The following ZNF273 variants were observed in gnomAD, a reference collection of about 807,000 sequenced individuals.
The protein encoded by ZNF273 is zinc finger protein 273.
ZNF273 carries 11 observed loss-of-function variants against 14.9 expected under a neutral mutation model. That is an observed-to-expected ratio of 0.74 (90% CI 0.46 to 1.22). The LOEUF is 1.22. Ranked by LOEUF, ZNF273 falls within the 50% of genes most tolerant of loss-of-function variation. The pLI, the probability that ZNF273 is intolerant of heterozygous loss-of-function variation, is 0.00. For synonymous variants in ZNF273, 199 were observed against 223.9 expected (o/e 0.89, Z 0.99); for missense variants, 577 against 660.6 (o/e 0.87, Z 1.39).
chr7:64,932,994 GCA>G (rs1795024125), downstream of ZNF273, among the ~76,000 whole-genome samples: 1 of 151,948 alleles, frequency 6.6e-6, no homozygotes, highest in Non-Finnish European at 1.5e-5. Context: ...TTTTTTAGAT[GCA>G]GTCTCACTCT....
At chr7:64,878,936 G>A (rs879359656) in intron 2 of ZNF273, among the ~76,000 whole-genome samples, 1 of 152,154 alleles carries the variant, frequency 6.6e-6, no homozygotes, top group South Asian at 2.1e-4. Context: ...GCACTGTCAC[G>A]TTTTAATGAC....
intron 1 of ZNF273, among the ~76,000 whole-genome samples, chr7:64,914,925 C>CTT (rs35818236): frequency 0.51 from 67,431 of 133,358 alleles, 17,476 homozygotes; most frequent in African/African-American, 0.57. Flanking sequence ...AAAAAATGGC[C>CTT]TTTTTTTTTT....
chr7:64,912,826 G>GTTTTTTGTTGTTGTTGTTGTTTTTTT, intron 1 of ZNF273, among the ~76,000 whole-genome samples: 2 of 36,576 alleles, frequency 5.5e-5, no homozygotes, highest in African/African-American at 8.2e-5. Context: ...ATTCATTTTA[G>GTTTTTTGTTGTTGTTGTTGTTTTTTT]TTTTTTTTTT....
At chr7:64,925,691 G>T (rs1453452669) in intron 3 of ZNF273, among the ~76,000 whole-genome samples, 1 of 151,912 alleles carries the variant, frequency 6.6e-6, no homozygotes, top group Non-Finnish European at 1.5e-5. Context: ...ACCCGCCTTG[G>T]CCTCCCAAAG....
At chr7:64,884,592 C>A (rs1244800754), downstream of ZNF273, among the ~76,000 whole-genome samples, 1 of 152,116 alleles carries the variant, frequency 6.6e-6, no homozygotes, top group East Asian at 1.9e-4. Flanking sequence ...CCTGGGGGGC[C>A]CTGGATGAAC....
chr7:64,913,138 C>T lies in ZNF273; in HGVS notation c.103-4443C>T, dbSNP rs2129071736. Among the ~76,000 whole-genome samples, 2 of 152,188 alleles carry T rather than the reference C, an allele frequency of 1.3e-5. 1 individual carries two copies. Among genetic ancestry groups the T allele is most frequent in the South Asian group, 4.1e-4 (2 of 4,822 alleles). On this transcript the variant is annotated intron_variant, in intron 1 of 3. Coordinates refer to ENST00000476120, the MANE Select transcript of ZNF273 (RefSeq NM_021148.3). Reference sequence around the variant, plus strand: ...CTGAGCCACTGCACCCGGCCAGCAACTTATTTTCTATTCTTGCAGATCCAG... The same window carrying T: ...CTGAGCCACTGCACCCGGCCAGCAATTTATTTTCTATTCTTGCAGATCCAG...
intron 1 of ZNF273, among the ~76,000 whole-genome samples, chr7:64,909,834 C>CG (rs1226310153): frequency 6.7e-6 from 1 of 148,264 alleles, no homozygotes; most frequent in African/African-American, 2.6e-5. Flanking sequence ...TTGCAAGCAT[C>CG]GTTTTTTTTT....
chr7:64,897,226 G>T (rs1792417405), intron 3 of ZNF273: 1 of 152,162 alleles, frequency 6.6e-6, no homozygotes. Context: ...ACTTAATGTT[G>T]GTAGAGCTGA....
At chr7:64,925,386 A>G (rs911781984) in intron 3 of ZNF273, among the ~76,000 whole-genome samples, 4 of 152,180 alleles carry the variant, frequency 2.6e-5, no homozygotes, top group Non-Finnish European at 4.4e-5. Flanking sequence ...ATAAAACAAT[A>G]TAGTTTAACC....
At chr7:64,898,956 TTTG>T (rs145183637), upstream of ZNF273, among the ~76,000 whole-genome samples, 9,276 of 152,276 alleles carry the variant, frequency 0.061, 868 homozygotes, top group African/African-American at 0.2. Flanking sequence ...AAATAAATCT[TTTG>T]TTAACTTACT....
At chr7:64,899,828 T>C (rs1322431307), upstream of ZNF273, among the ~76,000 whole-genome samples, 2 of 151,546 alleles carry the variant, frequency 1.3e-5, no homozygotes, top group Admixed American at 6.6e-5. Context: ...TGGCGTGATC[T>C]TGGCTCACAG....
downstream of ZNF273, among the ~76,000 whole-genome samples, chr7:64,883,166 C>A (rs976641650): frequency 2.0e-5 from 3 of 150,086 alleles, no homozygotes; most frequent in South Asian, 2.1e-4. Flanking sequence ...TTCCTGAATC[C>A]GCGGTGAATT....
At position 64,888,504 on chromosome 7, in the gene ZNF273, T is replaced by C. The variant is rs1045152180; in HGVS notation, n.274-69T>C. 9.1e-6 allele frequency: 9 copies of C among 985,670 alleles called. No homozygotes were observed. In the African/African-American group the frequency reaches 1.6e-4, roughly 17 times the overall value. 61.1% of individuals were successfully genotyped at this position (985,670 alleles called of 1,614,324 possible). A position where few individuals can be genotyped will look rare whatever the true frequency, so the allele number is the denominator to read the frequency against. ...CTGTCAAATGGGCCCACGAATACCC[T>C]ATTGATGGTGAGAATTAAGAGATAC... On this transcript the variant is annotated intron_variant and non_coding_transcript_variant, in intron 1 of 1. Coordinates refer to the ZNF273 transcript ENST00000471926.
downstream of ZNF273, among the ~76,000 whole-genome samples, chr7:64,933,837 A>T (rs920815514): frequency 2.0e-5 from 3 of 152,226 alleles, no homozygotes; most frequent in African/African-American, 4.8e-5. Flanking sequence ...CTTAATTCCA[A>T]GTTAATGCTT....
downstream of ZNF273, among the ~76,000 whole-genome samples, chr7:64,932,661 C>T (rs1407622587): frequency 2.0e-5 from 3 of 152,160 alleles, no homozygotes; most frequent in Non-Finnish European, 4.4e-5. Flanking sequence ...GTGGCTCATG[C>T]CTGTAATCCT....
At chr7:64,889,173 T>C (rs1791801720), downstream of ZNF273, 21 of 985,744 alleles carry the variant, frequency 2.1e-5, no homozygotes, top group Non-Finnish European at 2.2e-5. The surrounding 1 kb of genome is among the most constrained non-coding windows in gnomAD (Gnocchi z 4.2). Context: ...GCTCACTTGC[T>C]GGCGGCGGCA....
downstream of ZNF273, among the ~76,000 whole-genome samples, chr7:64,880,575 CT>C (rs1028896743): frequency 1.5e-4 from 22 of 151,012 alleles, 1 homozygote; most frequent in African/African-American, 3.6e-4. Context: ...CACTGCAGCC[CT>C]TTTTTTTTCG....
chr7:64,910,811 G>A (rs954823136), intron 1 of ZNF273, among the ~76,000 whole-genome samples: 15 of 145,868 alleles, frequency 1.0e-4, no homozygotes, highest in Admixed American at 9.1e-4. Flanking sequence ...TATTGCCCAG[G>A]CTGGAGTGCA....
Position 64,903,321 on chromosome 7 carries a change from T to C in ZNF273, c.4T>C (p.Ser2Pro). 6.2e-7 allele frequency: 1 copy of C among 1,611,376 alleles called. No homozygotes were observed. Among genetic ancestry groups the C allele is most frequent in the African/African-American group, 1.3e-5 (1 of 74,974 alleles). MSSAPRGPPSVA... is the reference protein window; with the variant it reads MPSAPRGPPSVA... ...CAGGTCTCGTCTTCACTGCTCTATG[T>C]CCTCTGCTCCTAGAGGTCCACCTTC... The change falls in exon 1 of 4, where the codon TCC becomes CCC. Residue 2 changes from serine (S) to proline (P), a missense_variant. Coordinates refer to ENST00000476120, the MANE Select transcript of ZNF273 (RefSeq NM_021148.3).
Sources: gnomAD v4.1 joint callset for allele counts (sites outside exome capture counted in the v4.1 genomes callset) on GRCh38, gnomAD v4.1.1 for gene constraint, Gnocchi (gnomAD v3.1) non-coding constraint, MANE v1.5 for transcripts, NCBI Gene and HGNC (gene_info 2026-07-23, HGNC 2026-07-21) for gene names.